The following TTLL6 variants were observed in gnomAD, a reference collection of about 807,000 sequenced individuals.
TTLL6 encodes tubulin tyrosine ligase like 6.
In TTLL6, 75 loss-of-function variants were observed where a neutral mutation model predicts 96.4. The ratio of observed to expected loss-of-function variants is 0.78; its 90% confidence interval spans 0.65 to 0.94. The LOEUF (loss-of-function observed/expected upper bound fraction) is 0.94, where lower values mean the gene tolerates loss of function less well. Among genes scored for constraint, TTLL6 ranks in the 40% least tolerant of loss-of-function variants. TTLL6 has a pLI of 0.00. For synonymous variants in TTLL6, 411 were observed against 419.4 expected (o/e 0.98, Z 0.24); for missense variants, 1,030 against 1,093.0 (o/e 0.94, Z 0.81).
chr17:48,770,834 C>G (rs2038728517), intron 13 of TTLL6, among the ~76,000 whole-genome samples: 1 of 151,754 alleles, frequency 6.6e-6, no homozygotes, highest in Non-Finnish European at 1.5e-5. Context: ...AGGAGAATCA[C>G]TTGAACTTGA....
intron 5 of TTLL6, 146 bp downstream of exon 5, chr17:48,801,109 C>T (rs994229223): frequency 1.4e-6 from 1 of 728,570 alleles, no homozygotes; most frequent in African/African-American, 1.8e-5. Context: ...CTTGGACACA[C>T]CCTTTATCCC....
At chr17:48,816,389 T>A (rs1315935893) in intron 1 of TTLL6, among the ~76,000 whole-genome samples, 2 of 151,908 alleles carry the variant, frequency 1.3e-5, no homozygotes, top group African/African-American at 4.8e-5. Context: ...AAACGTTAGC[T>A]CCCTTCCCAC....
Position 48,785,063 on chromosome 17 carries a change from T to C in TTLL6, c.1900A>G (p.Thr634Ala), listed in dbSNP as rs769879604. The change falls in exon 13 of 16, where the codon ACG (threonine) becomes GCG (alanine). Residue 634 changes from threonine to alanine, a missense_variant. Physicochemically the swap from Thr to Ala is moderately conservative, Grantham distance 58. Transcript: ENST00000393382. Reference sequence around the variant, plus strand: ...AGAGAACTGAAGGGCTTCGCAGACGTCAGCTTGGGGAAAACAGAGCTGGCC... The same window carrying C: ...AGAGAACTGAAGGGCTTCGCAGACGCCAGCTTGGGGAAAACAGAGCTGGCC... Reference protein sequence around the residue: ...EEASSVFPKLTSAKPFSSLPD... With the variant: ...EEASSVFPKLASAKPFSSLPD... 1 of 1,614,146 alleles carries C rather than the reference T, an allele frequency of 6.2e-7. No individual in the cohort carries two copies. The highest frequency in any genetic ancestry group is 2.2e-5 in the East Asian group (1 of 44,884).
intron 13 of TTLL6, among the ~76,000 whole-genome samples, chr17:48,780,591 A>G (rs1033556244): frequency 2.0e-5 from 3 of 152,220 alleles, no homozygotes; most frequent in African/African-American, 7.2e-5. Context: ...TTGTTGTGCA[A>G]GAGATCTCTA....
intron 13 of TTLL6, among the ~76,000 whole-genome samples, chr17:48,780,652 C>G (rs1254981589): frequency 6.6e-6 from 1 of 152,184 alleles, no homozygotes; most frequent in Non-Finnish European, 1.5e-5. Context: ...AGTCCCCCTT[C>G]TCTCCCTCCG....
intron 15 of TTLL6, among the ~76,000 whole-genome samples, chr17:48,768,107 T>A (rs1271095673): frequency 3.9e-5 from 6 of 152,086 alleles, no homozygotes; most frequent in Admixed American, 1.3e-4. Flanking sequence ...GGTCACTTTT[T>A]TTTTTGGAGA....
intron 1 of TTLL6, among the ~76,000 whole-genome samples, chr17:48,811,068 C>CTTTTT (rs35618180): frequency 2.7e-5 from 3 of 110,548 alleles, no homozygotes; most frequent in African/African-American, 6.7e-5. Flanking sequence ...TATTATTTTT[C>CTTTTT]TTTTTTTTTT....
Position 48,786,274 on chromosome 17 carries a change from CCTT to C in TTLL6, c.1648_1650del (p.Lys550del), listed in dbSNP as rs1416592264. The C allele has an allele frequency of 3.1e-6, 5 of 1,614,128 alleles. No homozygotes were observed. The highest frequency in any genetic ancestry group is 2.7e-5 in the African/African-American group (2 of 74,940). On this transcript the variant is annotated inframe_deletion, in exon 12 of 16. Transcript: ENST00000393382. ...CCTGCCGATTCCCCCTGCATCTCTA[CCTT>C]CTTCTTCATTTGGAAGGGCTTTTTC...
chr17:48,804,010 C>T, intron 2 of TTLL6, 82 bp from the exon 3 acceptor site: 3 of 1,482,642 alleles, frequency 2.0e-6, no homozygotes, highest in Middle Eastern at 1.8e-4. Context: ...AACATCCTGT[C>T]CCAGGTGGAG....
intron 13 of TTLL6, among the ~76,000 whole-genome samples, chr17:48,776,806 G>A (rs2038881089): frequency 6.6e-6 from 1 of 152,038 alleles, no homozygotes; most frequent in Non-Finnish European, 1.5e-5. Flanking sequence ...TGCAGATTCA[G>A]CACAATGCCA....
At chr17:48,767,335 C>T (rs7217007) in intron 15 of TTLL6, among the ~76,000 whole-genome samples, 87,210 of 151,996 alleles carry the variant, frequency 0.57, 25,856 homozygotes, top group East Asian at 0.75. Context: ...ATATGATTCC[C>T]ATCATCAGGG....
At chr17:48,781,051 A>ATT (rs200281244) in intron 13 of TTLL6, among the ~76,000 whole-genome samples, 3 of 142,692 alleles carry the variant, frequency 2.1e-5, no homozygotes, top group Non-Finnish European at 3.1e-5. Flanking sequence ...TCTATTTTTA[A>ATT]TTTTTTTTTT....
chr17:48,776,195 A>G (rs1331386392), intron 13 of TTLL6, among the ~76,000 whole-genome samples: 3 of 152,246 alleles, frequency 2.0e-5, no homozygotes, highest in African/African-American at 7.2e-5. Context: ...GGCTGGGCGC[A>G]GTAGCTCATG....
intron 14 of TTLL6, 88 bp from the exon 15 acceptor site, chr17:48,769,342 C>T: frequency 6.9e-7 from 1 of 1,459,438 alleles, no homozygotes; most frequent in Non-Finnish European, 9.2e-7. Flanking sequence ...AGTAGGGTCC[C>T]ATGGCCTGTA....
At position 48,762,851 on chromosome 17, in the gene TTLL6, T is replaced by C. The variant is rs1432667256; in HGVS notation, c.*123A>G. 3 of 451,218 alleles carry C rather than the reference T, an allele frequency of 6.6e-6. No individual in the cohort carries two copies. Among genetic ancestry groups the C allele is most frequent in the East Asian group, 1.4e-4 (2 of 14,354 alleles). 28.0% of individuals were successfully genotyped at this position (451,218 alleles called of 1,614,324 possible). A position where few individuals can be genotyped will look rare whatever the true frequency, so the allele number is the denominator to read the frequency against. On this transcript the variant is annotated 3_prime_UTR_variant, in exon 16 of 16. Transcript: ENST00000393382. ...TAGGAACTAATGGAAGACCAGTATA[T>C]CTAGATGAGCAAACAAAACTTCAGT...
intron 13 of TTLL6, among the ~76,000 whole-genome samples, chr17:48,776,230 G>T (rs1206388459): frequency 6.6e-6 from 1 of 152,144 alleles, no homozygotes; most frequent in African/African-American, 2.4e-5. Context: ...ACTTTGGGAG[G>T]CCAAGGTGGG....
At chr17:48,801,421 G>A (rs892099235) in intron 4 of TTLL6, 36 bp from the exon 5 acceptor site, 25 of 1,551,350 alleles carry the variant, frequency 1.6e-5, no homozygotes, top group Middle Eastern at 1.7e-4. Flanking sequence ...GCAATCGAGG[G>A]ACATGGGAGT....
At chr17:48,801,427 G>A (rs1163379507) in intron 4 of TTLL6, 42 bp from the exon 5 acceptor site, 11 of 1,551,408 alleles carry the variant, frequency 7.1e-6, no homozygotes, top group Non-Finnish European at 8.7e-6. Flanking sequence ...GAGGGACATG[G>A]GAGTACTACA....
At chr17:48,765,498 C>T (rs908690540) in intron 15 of TTLL6, 1 of 151,900 alleles carries the variant, frequency 6.6e-6, no homozygotes, top group African/African-American at 2.4e-5. Context: ...CCTTTATAGT[C>T]GGCTAGCAAA....
Sources: gnomAD v4.1 joint callset for allele counts (sites outside exome capture counted in the v4.1 genomes callset) on GRCh38, gnomAD v4.1.1 for gene constraint, MANE v1.5 for transcripts, NCBI Gene and HGNC (gene_info 2026-07-23, HGNC 2026-07-21) for gene names.